Variants in BBX observed in about 807,000 individuals in gnomAD.
The protein encoded by BBX is HMG box transcription factor BBX.
A neutral mutation model predicts 100.2 loss-of-function variants in BBX; 30 were observed. That is an observed-to-expected ratio of 0.30 (90% CI 0.22 to 0.41). BBX has a LOEUF of 0.41. Ranked by LOEUF, BBX falls within the 10% of genes least tolerant of loss-of-function variation. BBX has a pLI of 1.00. For missense variants in BBX, 1,023 were observed against 1,129.8 expected (o/e 0.91, Z 1.35); for synonymous variants, 376 against 388.1 (o/e 0.97, Z 0.37).
intron 2 of BBX, among the ~76,000 whole-genome samples, chr3:107,628,215 A>T (rs1308644177): frequency 1.3e-5 from 2 of 152,122 alleles, no homozygotes; most frequent in Non-Finnish European, 2.9e-5. Flanking sequence ...CTTTAAAGAT[A>T]GAAATTCTAT....
chr3:107,720,933 T>C (rs1448535748), intron 5 of BBX, among the ~76,000 whole-genome samples: 2 of 152,064 alleles, frequency 1.3e-5, no homozygotes, highest in South Asian at 4.1e-4. Context: ...TCTTCTGTTA[T>C]AATCTGGAGA....
intron 9 of BBX, among the ~76,000 whole-genome samples, chr3:107,751,741 A>C (rs968405496): frequency 4.6e-5 from 7 of 151,376 alleles, no homozygotes; most frequent in Non-Finnish European, 7.4e-5. Context: ...TACAGACTGC[A>C]GGGACAGTTT....
chr3:107,570,352 G>T (rs1005831189), intron 2 of BBX, among the ~76,000 whole-genome samples: 1 of 152,112 alleles, frequency 6.6e-6, no homozygotes, highest in Non-Finnish European at 1.5e-5. Flanking sequence ...TAATGTCGGG[G>T]GCGGGTTGGG....
chr3:107,702,894 G>A (rs2061167064), intron 3 of BBX, among the ~76,000 whole-genome samples: 1 of 152,154 alleles, frequency 6.6e-6, no homozygotes, highest in South Asian at 2.1e-4. Context: ...AAAGGACTGC[G>A]CAGAAGCATG....
At chr3:107,796,356 C>T (rs2069667541) in intron 15 of BBX, among the ~76,000 whole-genome samples, 1 of 152,184 alleles carries the variant, frequency 6.6e-6, no homozygotes, top group Non-Finnish European at 1.5e-5. Context: ...ATCTTTGGAA[C>T]CCCACTATAT....
chr3:107,692,199 TTTA>T (rs977025090), intron 3 of BBX, among the ~76,000 whole-genome samples: 28 of 150,320 alleles, frequency 1.9e-4, no homozygotes, highest in African/African-American at 6.1e-4. Context: ...TATTTATTTA[TTTA>T]TTATTATTAT....
At chr3:107,599,090 C>A (rs932693217) in intron 2 of BBX, among the ~76,000 whole-genome samples, 13 of 152,040 alleles carry the variant, frequency 8.6e-5, no homozygotes, top group Non-Finnish European at 1.5e-4. Flanking sequence ...TGGGCTCTGG[C>A]GGGGCTGTAA....
Position 107,772,915 on chromosome 3 carries a change from A to G in BBX, c.1194A>G (p.Glu398=). The change falls in exon 11 of 18, where the codon GAA becomes GAG. Residue 398 remains glutamate, a synonymous_variant. Transcript: ENST00000325805. ...AAGAAATTAGAAAGGAAGAGTTAGA[A>G]GAAGATCACAAATGTAGTCATTTTC... The part of the protein sequence containing the change: ...DPKEIRKEEL[E]EDHKCSHFPD... 5.0e-6 allele frequency: 8 copies of G among 1,588,526 alleles called. No individual in the cohort carries two copies. The highest frequency in any genetic ancestry group is 6.9e-6 in the Non-Finnish European group (8 of 1,164,158).
intron 2 of BBX, among the ~76,000 whole-genome samples, chr3:107,573,790 G>T (rs187708458): frequency 3.3e-5 from 5 of 152,166 alleles, no homozygotes; most frequent in African/African-American, 1.2e-4. Flanking sequence ...GCAATGGCAC[G>T]ATCTCAGCTC....
intron 10 of BBX, among the ~76,000 whole-genome samples, chr3:107,768,842 A>C (rs546221493): frequency 6.6e-6 from 1 of 150,968 alleles, no homozygotes; most frequent in South Asian, 2.1e-4. Context: ...CTAGGAACAT[A>C]ATCTTAGAAA....
chr3:107,596,164 TCTTA>T (rs746220484), intron 2 of BBX, among the ~76,000 whole-genome samples: 1 of 152,216 alleles, frequency 6.6e-6, no homozygotes, highest in African/African-American at 2.4e-5. Context: ...CACACTCATC[TCTTA>T]CTTAACCTAT....
chr3:107,588,144 A>C (rs1449881687), intron 2 of BBX, among the ~76,000 whole-genome samples: 1 of 152,110 alleles, frequency 6.6e-6, no homozygotes, highest in Non-Finnish European at 1.5e-5. Context: ...TATCTGATAC[A>C]TAGTATGTGT....
At chr3:107,539,504 C>A (rs1378195399) in intron 2 of BBX, among the ~76,000 whole-genome samples, 1 of 152,076 alleles carries the variant, frequency 6.6e-6, no homozygotes, top group Non-Finnish European at 1.5e-5. Context: ...AGAAAGTGGA[C>A]CCAGTGGAGG....
At chr3:107,650,581 C>CTT (rs889562370) in intron 3 of BBX, among the ~76,000 whole-genome samples, 1 of 152,106 alleles carries the variant, frequency 6.6e-6, no homozygotes, top group African/African-American at 2.4e-5. Context: ...AAAATGACTA[C>CTT]TTTGTTTAAT....
At chr3:107,671,504 T>C (rs1313070232) in intron 3 of BBX, among the ~76,000 whole-genome samples, 1 of 152,072 alleles carries the variant, frequency 6.6e-6, no homozygotes, top group Non-Finnish European at 1.5e-5. Flanking sequence ...TACATCTCAA[T>C]GTTATTCACA....
chr3:107,674,216 AAC>A (rs2059168474), intron 3 of BBX, among the ~76,000 whole-genome samples: 3 of 152,168 alleles, frequency 2.0e-5, no homozygotes, highest in African/African-American at 7.2e-5. Context: ...CTGACTATGT[AAC>A]TAATACCAAA....
intron 2 of BBX, among the ~76,000 whole-genome samples, chr3:107,619,717 A>G (rs546351994): frequency 6.6e-6 from 1 of 152,088 alleles, no homozygotes; most frequent in Non-Finnish European, 1.5e-5. Context: ...CACTGGGTAT[A>G]GGATCCTGGA....
chr3:107,771,741 A>G (rs570870125), intron 10 of BBX, among the ~76,000 whole-genome samples: 29 of 152,346 alleles, frequency 1.9e-4, no homozygotes, highest in East Asian at 1.2e-3. Flanking sequence ...AGAGTTGTCT[A>G]TCAGCATTTG....
intron 2 of BBX, among the ~76,000 whole-genome samples, chr3:107,621,226 T>C (rs1006346971): frequency 1.3e-5 from 2 of 152,200 alleles, no homozygotes; most frequent in Non-Finnish European, 2.9e-5. Flanking sequence ...GGCTTTTTTG[T>C]CTGTGCCCTG....
Sources: gnomAD v4.1 joint callset for allele counts (sites outside exome capture counted in the v4.1 genomes callset) on GRCh38, gnomAD v4.1.1 for gene constraint, MANE v1.5 for transcripts, NCBI Gene and HGNC (gene_info 2026-07-23, HGNC 2026-07-21) for gene names.